The following SHROOM4 variants were observed in gnomAD, a reference collection of about 807,000 sequenced individuals.
The protein encoded by SHROOM4 is shroom family member 4, also known as protein Shroom4.
In SHROOM4, 17 loss-of-function variants were observed where a neutral mutation model predicts 80.3. The observed-to-expected ratio is 0.21, with a 90% CI of 0.14 to 0.32. The LOEUF is 0.32. SHROOM4 is among the 10% of genes least tolerant of loss of function. The pLI is 1.00. For missense variants in SHROOM4, 993 were observed against 1,140.3 expected, an observed-to-expected ratio of 0.87 and a Z score of 1.86; for synonymous variants, 400 against 437.5, an observed-to-expected ratio of 0.91 and a Z score of 1.07.
intron 5 of SHROOM4, among the ~76,000 whole-genome samples, chrX:50,617,933 A>T (rs782750606): frequency 1.8e-5 from 2 of 111,630 alleles, no homozygotes; most frequent in African/African-American, 3.3e-5. Flanking sequence ...CAACGTGTGT[A>T]CTAGTCATTC....
chrX:50,693,796 C>A (rs73483716), intron 2 of SHROOM4, among the ~76,000 whole-genome samples: 4,792 of 109,391 alleles, frequency 0.044, 284 homozygotes, highest in African/African-American at 0.15. Context: ...CTATAGTTAC[C>A]CTACCAAACT....
At chrX:50,677,694 A>G (rs1557261442) in intron 2 of SHROOM4, among the ~76,000 whole-genome samples, 1 of 111,624 alleles carries the variant, frequency 9.0e-6, no homozygotes, top group Admixed American at 9.5e-5. Flanking sequence ...TTCTTCCCAA[A>G]GTGACATTCA....
intron 2 of SHROOM4, among the ~76,000 whole-genome samples, chrX:50,641,903 C>T (rs782224870): frequency 2.7e-5 from 3 of 112,678 alleles, no homozygotes; most frequent in African/African-American, 9.7e-5. Context: ...TGAGCCACTG[C>T]GCCTGGCTGG....
At chrX:50,710,012 C>G (rs782415302) in intron 1 of SHROOM4, among the ~76,000 whole-genome samples, 1 of 111,952 alleles carries the variant, frequency 8.9e-6, no homozygotes, top group East Asian at 2.8e-4. Flanking sequence ...CATTGCCAAC[C>G]AGCAACAATA....
In SHROOM4 at chrX:50,801,716, G is replaced by C. The variant is rs782619152; in HGVS notation, c.117+12186C>G. On this transcript the variant is annotated intron_variant, in intron 1 of 8. Transcript: ENST00000376020. ...GTATCAGCCTCCCACCAGGGCTCAC[G>C]CAACAGAGGGAAGTTAGCAAGCAGG... Among the ~76,000 whole-genome samples the C allele has an allele frequency of 2.7e-5, 3 of 111,879 alleles. No homozygotes were observed. The East Asian group carries it at 8.5e-4, about 32-fold the overall frequency.
chrX:50,781,413 A>G (rs1421016035), intron 1 of SHROOM4, among the ~76,000 whole-genome samples: 1 of 111,788 alleles, frequency 8.9e-6, no homozygotes, highest in African/African-American at 3.3e-5. Context: ...AAGGGTCCAC[A>G]GGACACTTCC....
chrX:50,809,283 A>G lies in SHROOM4; in HGVS notation c.117+4619T>C, dbSNP rs968426111. 1.5e-4 allele frequency among the ~76,000 whole-genome samples: 17 copies of G among 112,244 alleles called. No individual in the cohort carries two copies. In the East Asian group the frequency reaches 4.8e-3, roughly 32 times the overall value. ...CATAATACCACCTCTGCACCCAATA[A>G]GAATTCAAAATCACAGCCAAATTTA... On this transcript the variant is annotated intron_variant, in intron 1 of 8. Coordinates refer to ENST00000376020, the MANE Select transcript of SHROOM4 (RefSeq NM_020717.5).
At chrX:50,725,303 C>G (rs1356870058) in intron 1 of SHROOM4, among the ~76,000 whole-genome samples, 1 of 112,066 alleles carries the variant, frequency 8.9e-6, no homozygotes, top group Non-Finnish European at 1.9e-5. Flanking sequence ...CTCTTTCCCC[C>G]ACCTCGCTCC....
chrX:50,606,628 G>A lies in SHROOM4; in HGVS notation c.3761+753C>T, dbSNP rs781848316. 4.6e-5 allele frequency among the ~76,000 whole-genome samples: 5 copies of A among 108,862 alleles called. No homozygotes were observed. The East Asian group carries it at 1.2e-3, about 26-fold the overall frequency. 94.5% of individuals were successfully genotyped at this position (108,862 alleles called of 115,157 possible). On this transcript the variant is annotated intron_variant, in intron 6 of 8. Coordinates refer to ENST00000376020, the MANE Select transcript of SHROOM4 (RefSeq NM_020717.5). Reference sequence around the variant, plus strand: ...CCAACCATGCACTATAGGGCATGCAGATGACAACTGGCTCAGTGGAGTGAA... The same window carrying A: ...CCAACCATGCACTATAGGGCATGCAAATGACAACTGGCTCAGTGGAGTGAA...
At chrX:50,698,744 C>A (rs1933441870) in intron 1 of SHROOM4, among the ~76,000 whole-genome samples, 1 of 109,783 alleles carries the variant, frequency 9.1e-6, no homozygotes, top group African/African-American at 3.3e-5. Context: ...GTCTCAGCCA[C>A]ATATTTGTTT....
At chrX:50,725,686 C>A (rs1934228036) in intron 1 of SHROOM4, among the ~76,000 whole-genome samples, 1 of 112,572 alleles carries the variant, frequency 8.9e-6, no homozygotes, top group South Asian at 3.7e-4. Context: ...CACCTTCTGC[C>A]ATAATTGTAA....
chrX:50,604,829 A>G (rs1365208050), intron 6 of SHROOM4, among the ~76,000 whole-genome samples: 1 of 111,900 alleles, frequency 8.9e-6, no homozygotes, highest in African/African-American at 3.3e-5. Flanking sequence ...CCTTTCACAG[A>G]GCACTGAGAG....
At position 50,748,632 on chromosome X, in the gene SHROOM4, G is replaced by A. The variant is rs1414628390; in HGVS notation, c.118-52695C>T. On this transcript the variant is annotated intron_variant, in intron 1 of 8. Transcript: ENST00000376020. ...AGATTTTGTGCTGATTAAGACTCCC[G>A]GGATGGCTTCTTTACTCTTGTCAAG... Among the ~76,000 whole-genome samples the A allele has an allele frequency of 6.3e-5, 7 of 111,520 alleles. No individual in the cohort carries two copies. The South Asian group carries it at 1.1e-3, about 18-fold the overall frequency.
At chrX:50,771,674 T>C (rs1330341430) in intron 1 of SHROOM4, among the ~76,000 whole-genome samples, 1 of 112,415 alleles carries the variant, frequency 8.9e-6, no homozygotes, top group Non-Finnish European at 1.9e-5. Context: ...TTAATAAAGA[T>C]TAATCCATTA....
chrX:50,724,040 G>A (rs1201190661), intron 1 of SHROOM4, among the ~76,000 whole-genome samples: 1 of 109,587 alleles, frequency 9.1e-6, no homozygotes, highest in East Asian at 2.9e-4. Context: ...ACAAGTGTAG[G>A]ACACCTCTAC....
chrX:50,666,135 T>G (rs1932682913), intron 2 of SHROOM4, among the ~76,000 whole-genome samples: 1 of 111,583 alleles, frequency 9.0e-6, no homozygotes, highest in African/African-American at 3.3e-5. Context: ...GCTCTGACAC[T>G]TACTAGCTTT....
At chrX:50,759,291 G>A (rs782508701) in intron 1 of SHROOM4, among the ~76,000 whole-genome samples, 42 of 111,924 alleles carry the variant, frequency 3.8e-4, no homozygotes, top group Non-Finnish European at 7.5e-4. Context: ...AGAAAGGAAA[G>A]ACCAGGTGAA....
intron 8 of SHROOM4, 101 bp downstream of exon 8, chrX:50,598,165 T>G: frequency 2.8e-6 from 3 of 1,080,949 alleles, no homozygotes; most frequent in Non-Finnish European, 3.8e-6. Context: ...TTTAATCCCA[T>G]GCTCTACTGT....
Position 50,595,864 on chromosome X carries a change from C to T in SHROOM4, c.*831G>A. 3.0e-6 allele frequency: 1 copy of T among 328,966 alleles called. No individual in the cohort carries two copies. 27.1% of individuals were successfully genotyped at this position (328,966 alleles called of 1,213,427 possible). A position where few individuals can be genotyped will look rare whatever the true frequency, so the allele number is the denominator to read the frequency against. ...GCCATTTAAAATATAACAATAAGAA[C>T]CCCCTCCCCCAATAATGAAACCTAC... On this transcript the variant is annotated 3_prime_UTR_variant, in exon 9 of 9. Coordinates refer to ENST00000376020, the MANE Select transcript of SHROOM4 (RefSeq NM_020717.5).
Sources: allele counts gnomAD v4.1 joint callset (sites outside exome capture counted in the v4.1 genomes callset), GRCh38; gene constraint gnomAD v4.1.1; transcripts MANE v1.5; gene names NCBI Gene and HGNC (gene_info 2026-07-23, HGNC 2026-07-21).